SNX7: variants seen among roughly 807,000 people sequenced by gnomAD.
SNX7 encodes the protein sorting nexin-7.
A neutral mutation model predicts 48.4 loss-of-function variants in SNX7; 35 were observed. The ratio of observed to expected loss-of-function variants is 0.72; its 90% confidence interval spans 0.55 to 0.96. The LOEUF (loss-of-function observed/expected upper bound fraction) is 0.96, where lower values mean the gene tolerates loss of function less well. SNX7 is among the 40% of genes least tolerant of loss of function. The probability of loss-of-function intolerance (pLI) is 0.00; values close to 1 mark genes in which losing one functional copy is unlikely to be tolerated. For missense variants in SNX7, 553 were observed against 548.9 expected (o/e 1.01, Z -0.07); for synonymous variants, 190 against 190.2 (o/e 1.00, Z 0.01).
At position 98,716,715 on chromosome 1, in the gene SNX7, AT is replaced by A. The variant is rs959299361; in HGVS notation, c.1125+14822del. Among the ~76,000 whole-genome samples, 37 of 150,508 alleles carry A rather than the reference AT, an allele frequency of 2.5e-4. 1 individual carries two copies. Among genetic ancestry groups the A allele is most frequent in the East Asian group, 5.8e-4 (3 of 5,130 alleles). ...TACTCCCTGATGTATCATAAATACA[AT>A]TTTTTTTTTCCCAATGGGTGGGTCT... On this transcript the variant is annotated intron_variant, in intron 7 of 8. Transcript: ENST00000306121.
At position 98,701,866 on chromosome 1, in the gene SNX7, T is replaced by C; in HGVS notation, c.1088T>C (p.Val363Ala). The C allele has an allele frequency of 2.0e-5, 33 of 1,611,456 alleles. No homozygotes were observed. Among genetic ancestry groups the C allele is most frequent in the Non-Finnish European group, 2.6e-5 (31 of 1,178,596 alleles). ...DQIQAELDSK[V>A]EVLTYKKADT... ...ATACAAGCAGAACTGGATTCCAAAG[T>C]TGAAGTTTTGACCTATAAAAAGGCA... The change falls in exon 7 of 9, where the codon GTT becomes GCT. Residue 363 changes from valine (V) to alanine (A), a missense_variant. Physicochemically the swap from Val to Ala is moderately conservative, Grantham distance 64. Coordinates refer to ENST00000306121, the MANE Select transcript of SNX7 (RefSeq NM_015976.5).
At chr1:98,699,626 C>T (rs916642161) in intron 6 of SNX7, among the ~76,000 whole-genome samples, 6 of 152,052 alleles carry the variant, frequency 3.9e-5, no homozygotes, top group Non-Finnish European at 5.9e-5. Context: ...TCCTTTTTTC[C>T]GTTCTTTATA....
At chr1:98,667,198 G>A (rs937919746) in intron 1 of SNX7, among the ~76,000 whole-genome samples, 1 of 152,166 alleles carries the variant, frequency 6.6e-6, no homozygotes, top group African/African-American at 2.4e-5. Context: ...TATAACAATA[G>A]CTAATAGTCT....
intron 7 of SNX7, among the ~76,000 whole-genome samples, chr1:98,706,691 C>T (rs1206079246): frequency 6.6e-6 from 1 of 152,124 alleles, no homozygotes; most frequent in African/African-American, 2.4e-5. Flanking sequence ...GACATAATAG[C>T]TTGGACCAGA....
At chr1:98,701,272 A>T (rs1220121975) in intron 6 of SNX7, among the ~76,000 whole-genome samples, 1 of 152,188 alleles carries the variant, frequency 6.6e-6, no homozygotes, top group African/African-American at 2.4e-5. Flanking sequence ...TGGCTAACTG[A>T]TGAATATTTT....
At position 98,746,675 on chromosome 1, in the gene SNX7, A is replaced by G. The variant is rs183135534; in HGVS notation, c.1278+8286A>G. ...TCTTGACAGAGTAGATTTTAATTCA[A>G]CATGGCTTAAAACACTGCTCTGTTA... On this transcript the variant is annotated intron_variant, in intron 8 of 8. Transcript: ENST00000306121. Among the ~76,000 whole-genome samples the G allele has an allele frequency of 2.0e-5, 3 of 152,250 alleles. No homozygotes were observed. The East Asian group carries it at 5.8e-4, about 29-fold the overall frequency.
intron 7 of SNX7, among the ~76,000 whole-genome samples, chr1:98,715,592 C>T (rs1305943644): frequency 1.3e-5 from 2 of 152,152 alleles, no homozygotes; most frequent in Non-Finnish European, 2.9e-5. Context: ...GTTTTATTAT[C>T]ATTACTTGTT....
chr1:98,679,654 C>A (rs933813613), intron 1 of SNX7, among the ~76,000 whole-genome samples: 6 of 152,140 alleles, frequency 3.9e-5, no homozygotes, highest in African/African-American at 1.4e-4. Flanking sequence ...TTGGCCAAAA[C>A]AAAGGGGCTA....
chr1:98,720,541 T>C (rs1570568053), intron 7 of SNX7, among the ~76,000 whole-genome samples: 1 of 152,120 alleles, frequency 6.6e-6, no homozygotes. Context: ...GCTATACATA[T>C]GACACTATTC....
chr1:98,705,408 T>A (rs1200128533), intron 7 of SNX7, among the ~76,000 whole-genome samples: 5 of 152,238 alleles, frequency 3.3e-5, no homozygotes. Context: ...CAGCCTCATT[T>A]TATCATGTAT....
intron 1 of SNX7, among the ~76,000 whole-genome samples, chr1:98,668,615 T>G (rs1649673192): frequency 6.6e-6 from 1 of 152,192 alleles, no homozygotes; most frequent in Non-Finnish European, 1.5e-5. Flanking sequence ...GGGATTTCAC[T>G]GATGATATGT....
chr1:98,662,050 G>C (rs1649260245), intron 1 of SNX7, 139 bp downstream of exon 1: 3 of 965,124 alleles, frequency 3.1e-6, no homozygotes, highest in South Asian at 5.4e-5. Context: ...GGTCCCCCGG[G>C]CTGCTGGACC....
chr1:98,739,965 C>G (rs1350801508), intron 8 of SNX7, among the ~76,000 whole-genome samples: 1 of 152,088 alleles, frequency 6.6e-6, no homozygotes, highest in African/African-American at 2.4e-5. Context: ...CAGAGTTAGG[C>G]AACACTGGAC....
chr1:98,691,001 T>C (rs1363327365), intron 2 of SNX7, 74 bp from the exon 3 acceptor site: 2 of 832,526 alleles, frequency 2.4e-6, no homozygotes, highest in Non-Finnish European at 3.6e-6. Context: ...TATTTCACAA[T>C]GTCTAAAATA....
chr1:98,708,731 C>A (rs1652144623), intron 7 of SNX7, among the ~76,000 whole-genome samples: 1 of 152,120 alleles, frequency 6.6e-6, no homozygotes, highest in Admixed American at 6.5e-5. Flanking sequence ...CTGTCTCATT[C>A]AAGGCTTCAT....
chr1:98,682,820 T>C (rs1360862570), intron 1 of SNX7, among the ~76,000 whole-genome samples: 1 of 152,204 alleles, frequency 6.6e-6, no homozygotes, highest in Non-Finnish European at 1.5e-5. Context: ...ATCAACTTTA[T>C]GTCAAGGATA....
intron 1 of SNX7, among the ~76,000 whole-genome samples, chr1:98,679,244 A>G (rs1032709979): frequency 6.6e-6 from 1 of 152,154 alleles, no homozygotes; most frequent in Non-Finnish European, 1.5e-5. Context: ...AAAACCATCA[A>G]ATCTCGTGAA....
chr1:98,694,768 A>G (rs1333220364), intron 4 of SNX7, among the ~76,000 whole-genome samples: 1 of 150,952 alleles, frequency 6.6e-6, no homozygotes, highest in East Asian at 2.0e-4. Flanking sequence ...CCACCACGCC[A>G]GGCTAATTTT....
At chr1:98,694,636 C>T (rs1371010811) in intron 4 of SNX7, among the ~76,000 whole-genome samples, 1 of 101,894 alleles carries the variant, frequency 9.8e-6, no homozygotes, top group African/African-American at 3.9e-5. Flanking sequence ...GAGATGGAGT[C>T]TCGCTCTGTG....
Sources: gnomAD v4.1 joint callset for allele counts (sites outside exome capture counted in the v4.1 genomes callset) on GRCh38, gnomAD v4.1.1 for gene constraint, MANE v1.5 for transcripts, NCBI Gene and HGNC (gene_info 2026-07-23, HGNC 2026-07-21) for gene names.